CSMD2: variants seen among roughly 807,000 people sequenced by gnomAD.
The protein encoded by CSMD2 is CUB and Sushi multiple domains 2.
CSMD2 carries 130 observed loss-of-function variants against 398.5 expected under a neutral mutation model. That is an observed-to-expected ratio of 0.33 (90% CI 0.28 to 0.38). CSMD2 has a LOEUF of 0.38. Among genes scored for constraint, CSMD2 ranks in the 10% least tolerant of loss-of-function variants. CSMD2 has a pLI of 1.00. For missense variants in CSMD2, 3,829 were observed against 4,764.9 expected (o/e 0.80, Z 5.78); for synonymous variants, 1,828 against 1,908.5 (o/e 0.96, Z 1.10).
intron 1 of CSMD2, among the ~76,000 whole-genome samples, chr1:34,143,312 C>T (rs954286847): frequency 3.3e-5 from 5 of 152,076 alleles, no homozygotes; most frequent in African/African-American, 1.2e-4. Flanking sequence ...AGGTGAAAAA[C>T]TTGCGATTGA....
chr1:34,080,324 G>C (rs1656924122), intron 2 of CSMD2, among the ~76,000 whole-genome samples: 1 of 151,916 alleles, frequency 6.6e-6, no homozygotes, highest in Non-Finnish European at 1.5e-5. Flanking sequence ...AAGAATGTGA[G>C]AGCAATATAT....
intron 1 of CSMD2, among the ~76,000 whole-genome samples, chr1:34,106,900 C>A (rs768832065): frequency 6.6e-6 from 1 of 152,188 alleles, no homozygotes; most frequent in Non-Finnish European, 1.5e-5. Flanking sequence ...GCCACCATTG[C>A]GGACCAAACA....
intron 13 of CSMD2, among the ~76,000 whole-genome samples, chr1:33,767,080 TAATTA>T (rs1650603670): frequency 6.6e-6 from 1 of 152,266 alleles, no homozygotes; most frequent in African/African-American, 2.4e-5. Flanking sequence ...TTATATAAAA[TAATTA>T]AATATAATTG....
chr1:33,752,083 G>A (rs959355478), intron 13 of CSMD2, among the ~76,000 whole-genome samples: 2 of 152,160 alleles, frequency 1.3e-5, no homozygotes, highest in Non-Finnish European at 2.9e-5. Flanking sequence ...TGAAAGGTGA[G>A]GAAGAATTTA....
At chr1:33,693,643 G>A (rs1645317708) in intron 24 of CSMD2, among the ~76,000 whole-genome samples, 1 of 152,178 alleles carries the variant, frequency 6.6e-6, no homozygotes, top group Admixed American at 6.5e-5. Flanking sequence ...GAACATGAAT[G>A]TTCATAGCAA....
At chr1:33,792,344 AGGCAG>A in intron 11 of CSMD2, 74 bp downstream of exon 11, 1 of 910,056 alleles carries the variant, frequency 1.1e-6, no homozygotes, top group Non-Finnish European at 1.9e-6. Context: ...TCTAGGGACC[AGGCAG>A]GACTCCACAA....
chr1:33,995,076 G>GAA (rs60875643), intron 3 of CSMD2, among the ~76,000 whole-genome samples: 3 of 127,076 alleles, frequency 2.4e-5, no homozygotes, highest in East Asian at 2.4e-4. Flanking sequence ...AAAAAGAAAA[G>GAA]AAAAAAAAAA....
In CSMD2 at chr1:33,952,836, C is replaced by T. The variant is rs541586618; in HGVS notation, c.518-16882G>A. Reference sequence around the variant, plus strand: ...AAAACTATTTCTTGAATCAACGACTCTATGAATGAATGGATGTATAAATGA... The same window carrying T: ...AAAACTATTTCTTGAATCAACGACTTTATGAATGAATGGATGTATAAATGA... On this transcript the variant is annotated intron_variant, in intron 3 of 70. Coordinates refer to ENST00000373381, the MANE Select transcript of CSMD2 (RefSeq NM_001281956.2). 9.3e-4 allele frequency among the ~76,000 whole-genome samples: 142 copies of T among 152,308 alleles called. 1 individual carries two copies. Among genetic ancestry groups the T allele is most frequent in the Non-Finnish European group, 1.1e-3 (74 of 68,024 alleles).
chr1:33,799,985 T>C (rs1476542041), intron 10 of CSMD2, among the ~76,000 whole-genome samples: 3 of 152,168 alleles, frequency 2.0e-5, no homozygotes, highest in Non-Finnish European at 4.4e-5. Context: ...CAGGATAGAG[T>C]TCAGCATCTT....
intron 2 of CSMD2, among the ~76,000 whole-genome samples, chr1:34,053,983 A>G (rs367838688): frequency 6.6e-6 from 1 of 152,286 alleles, no homozygotes; most frequent in African/African-American, 2.4e-5. Context: ...TAGACTCCCA[A>G]TTTTGAAATA....
chr1:33,728,379 G>A (rs1344326647), intron 15 of CSMD2, among the ~76,000 whole-genome samples: 6 of 151,674 alleles, frequency 4.0e-5, no homozygotes, highest in Admixed American at 3.3e-4. Context: ...TAAAATAGTT[G>A]TCAAGTATTC....
At chr1:33,936,136 T>G (rs1165807128) in intron 3 of CSMD2, among the ~76,000 whole-genome samples, 182 bp from the exon 4 acceptor site, 1 of 152,212 alleles carries the variant, frequency 6.6e-6, no homozygotes, top group Non-Finnish European at 1.5e-5. Flanking sequence ...TCCCTGGGAA[T>G]GGGTTACTCA....
At chr1:33,868,436 A>G (rs960595952) in intron 5 of CSMD2, among the ~76,000 whole-genome samples, 2 of 152,116 alleles carry the variant, frequency 1.3e-5, no homozygotes, top group African/African-American at 4.8e-5. Flanking sequence ...AGAGACAGAC[A>G]ATTAAAAAAA....
intron 2 of CSMD2, among the ~76,000 whole-genome samples, chr1:34,037,382 T>C (rs1310147145): frequency 6.6e-6 from 1 of 152,218 alleles, no homozygotes; most frequent in Non-Finnish European, 1.5e-5. Flanking sequence ...CGTTAGCCTA[T>C]TCCTTGGCTT....
chr1:33,604,794 G>C (rs935365266), intron 42 of CSMD2, among the ~76,000 whole-genome samples: 1 of 141,878 alleles, frequency 7.0e-6, no homozygotes, highest in Non-Finnish European at 1.5e-5. Context: ...GATCAACTCA[G>C]GTCTCTCCAG....
chr1:33,727,621 GCA>G (rs766243562), intron 15 of CSMD2, among the ~76,000 whole-genome samples: 2 of 152,166 alleles, frequency 1.3e-5, no homozygotes, highest in Admixed American at 6.5e-5. Flanking sequence ...TGTGTGATCT[GCA>G]CACAGTTTCC....
chr1:33,836,424 C>T (rs963838332), intron 6 of CSMD2, among the ~76,000 whole-genome samples: 18 of 152,200 alleles, frequency 1.2e-4, no homozygotes, highest in Non-Finnish European at 2.1e-4. Context: ...GCAGAAGTTT[C>T]TGCTGCCTTT....
intron 53 of CSMD2, among the ~76,000 whole-genome samples, chr1:33,561,812 C>T (rs760800582): frequency 9.9e-5 from 15 of 152,240 alleles, no homozygotes; most frequent in African/African-American, 3.1e-4. Context: ...GGATAAGCAT[C>T]GCAGCATCTG....
intron 48 of CSMD2, among the ~76,000 whole-genome samples, chr1:33,577,886 T>A (rs993115449): frequency 2.6e-5 from 4 of 152,166 alleles, no homozygotes; most frequent in African/African-American, 9.7e-5. Context: ...TAGTGAGGGC[T>A]GGGCTCCAGT....
Sources: allele counts gnomAD v4.1 joint callset (sites outside exome capture counted in the v4.1 genomes callset), GRCh38; gene constraint gnomAD v4.1.1; transcripts MANE v1.5; gene names NCBI Gene and HGNC (gene_info 2026-07-23, HGNC 2026-07-21).